PTPRD: variants seen among roughly 807,000 people sequenced by gnomAD.
PTPRD encodes protein tyrosine phosphatase receptor type D, also known as receptor-type tyrosine-protein phosphatase delta.
Under a neutral mutation model 214.5 loss-of-function variants are expected in PTPRD, and 34 were observed. That is an observed-to-expected ratio of 0.16 (90% CI 0.12 to 0.21). The LOEUF is 0.21. Among genes scored for constraint, PTPRD ranks in the 10% least tolerant of loss-of-function variants. The probability of loss-of-function intolerance (pLI) is 1.00; values close to 1 mark genes in which losing one functional copy is unlikely to be tolerated. For synonymous variants in PTPRD, 1,128 were observed against 845.7 expected (o/e 1.33, Z -5.79); for missense variants, 2,545 against 2,398.7 (o/e 1.06, Z -1.27).
chr9:8,487,602 G>T (rs2097054240), intron 27 of PTPRD, among the ~76,000 whole-genome samples: 1 of 151,986 alleles, frequency 6.6e-6, no homozygotes, highest in South Asian at 2.1e-4. Flanking sequence ...CCTGAGGTTG[G>T]GAGTTTGAGA....
chr9:9,698,377 C>T (rs2097423337), intron 7 of PTPRD, among the ~76,000 whole-genome samples: 1 of 152,100 alleles, frequency 6.6e-6, no homozygotes, highest in African/African-American at 2.4e-5. Flanking sequence ...GTGCCTTAAG[C>T]CCGGGTTTGT....
At chr9:10,379,313 A>G (rs1179055281) in intron 2 of PTPRD, among the ~76,000 whole-genome samples, 1 of 151,794 alleles carries the variant, frequency 6.6e-6, no homozygotes, top group African/African-American at 2.4e-5. Context: ...TCTACAAACA[A>G]GGATAATTCT....
Position 8,870,687 on chromosome 9 carries a change from AACACACACAC to A in PTPRD, c.-103-136751_-103-136742del, listed in dbSNP as rs3046878. 2.9e-3 allele frequency among the ~76,000 whole-genome samples: 376 copies of A among 131,468 alleles called. 2 individuals carry two copies. Among genetic ancestry groups the A allele is most frequent in the African/African-American group, 8.9e-3 (312 of 34,948 alleles). The allele number at this position is 131,468 out of a possible 152,430, so 86.2% of individuals were successfully genotyped here. ...ACAGGGTTATAAGACACAGACATGA[AACACACACAC>A]ACACACACACACACACACACACACA... On this transcript the variant is annotated intron_variant, in intron 11 of 45. Transcript: ENST00000381196.
intron 11 of PTPRD, among the ~76,000 whole-genome samples, chr9:8,749,578 G>C (rs575379613): frequency 6.6e-6 from 1 of 152,306 alleles, no homozygotes; most frequent in South Asian, 2.1e-4. Flanking sequence ...CTATGTGACA[G>C]CTGATGTCAA....
chr9:8,786,321 G>A (rs1332493924), intron 11 of PTPRD, among the ~76,000 whole-genome samples: 1 of 151,068 alleles, frequency 6.6e-6, no homozygotes, highest in African/African-American at 2.4e-5. Context: ...TCAATGCCGT[G>A]GTTATTTCTA....
intron 35 of PTPRD, among the ~76,000 whole-genome samples, chr9:8,426,107 A>G (rs577174081): frequency 3.3e-5 from 5 of 152,320 alleles, no homozygotes; most frequent in African/African-American, 1.2e-4. Context: ...ACTGACAGAT[A>G]GGTCATGCAT....
rs1034397947 is a variant in PTPRD at position 10,364,820 on chromosome 9, T to C, written c.-599-23803A>G. Among the ~76,000 whole-genome samples the C allele has an allele frequency of 1.8e-4, 27 of 152,212 alleles. 1 individual carries two copies. Among genetic ancestry groups the C allele is most frequent in the African/African-American group, 6.3e-4 (26 of 41,454 alleles). ...ATCTATTATCTCTATTACCATACGA[T>C]ATCTATATTTTCGTAGCTCACTAAA... is the stretch of plus-strand genomic sequence containing the variant. On this transcript the variant is annotated intron_variant, in intron 2 of 45. Transcript: ENST00000381196.
chr9:9,629,228 G>GTC (rs2154358217), intron 7 of PTPRD, among the ~76,000 whole-genome samples: 1 of 110,610 alleles, frequency 9.0e-6, no homozygotes, highest in African/African-American at 4.2e-5. Context: ...AGATATATAT[G>GTC]TGTGTGTGTG....
At chr9:8,424,655 A>C (rs554296210) in intron 35 of PTPRD, among the ~76,000 whole-genome samples, 22 of 29,718 alleles carry the variant, frequency 7.4e-4, no homozygotes, top group Admixed American at 1.9e-3. Context: ...ATACTCTGTT[A>C]AACTGGCAGA....
At chr9:8,440,464 G>A (rs1054539120) in intron 34 of PTPRD, among the ~76,000 whole-genome samples, 3 of 152,086 alleles carry the variant, frequency 2.0e-5, no homozygotes, top group East Asian at 1.9e-4. Flanking sequence ...ACAGGGACGC[G>A]CCACCACACC....
chr9:9,912,849 G>A lies in PTPRD; in HGVS notation c.-368+25658C>T, dbSNP rs140088968. On this transcript the variant is annotated intron_variant, in intron 5 of 45. Coordinates refer to ENST00000381196, the MANE Select transcript of PTPRD (RefSeq NM_002839.4). ...AATATTGCAAGAGTTTTTATATTTT[G>A]CTAATGTTCTAACTTCCTCATAGGA... 3.4e-3 allele frequency among the ~76,000 whole-genome samples: 524 copies of A among 152,134 alleles called. 2 individuals are homozygous for A. The highest frequency in any genetic ancestry group is 0.011 in the African/African-American group (476 of 41,500).
At chr9:9,707,353 G>C (rs74483298) in intron 7 of PTPRD, among the ~76,000 whole-genome samples, 3 of 152,060 alleles carry the variant, frequency 2.0e-5, no homozygotes, top group Non-Finnish European at 4.4e-5. Context: ...GTCACTATTC[G>C]ATTTACACAA....
intron 34 of PTPRD, among the ~76,000 whole-genome samples, chr9:8,441,591 A>C (rs1322880965): frequency 1.3e-5 from 2 of 151,922 alleles, no homozygotes; most frequent in African/African-American, 4.8e-5. Context: ...GTGTATGTGA[A>C]TTAGAATCAA....
chr9:10,096,387 G>A (rs201845813), intron 3 of PTPRD, among the ~76,000 whole-genome samples: 3 of 151,440 alleles, frequency 2.0e-5, no homozygotes, highest in Non-Finnish European at 4.4e-5. Context: ...TCTCCACATC[G>A]TCTCCAGCAC....
intron 2 of PTPRD, among the ~76,000 whole-genome samples, chr9:10,416,202 G>A (rs1324897677): frequency 6.6e-6 from 1 of 151,006 alleles, no homozygotes; most frequent in Non-Finnish European, 1.5e-5. Flanking sequence ...AAAAAAATTA[G>A]AAAAAATTAG....
intron 5 of PTPRD, among the ~76,000 whole-genome samples, chr9:9,908,884 T>C (rs1318650204): frequency 6.6e-6 from 1 of 152,012 alleles, no homozygotes; most frequent in Non-Finnish European, 1.5e-5. Flanking sequence ...AACACTTCTT[T>C]GGAGTTTAAT....
intron 8 of PTPRD, among the ~76,000 whole-genome samples, chr9:9,479,709 T>A (rs767563195): frequency 1.3e-5 from 2 of 149,498 alleles, no homozygotes; most frequent in Non-Finnish European, 3.0e-5. Flanking sequence ...AAACCTTAAG[T>A]AATTTAGTCA....
chr9:8,672,632 A>G (rs1172206717), intron 12 of PTPRD, among the ~76,000 whole-genome samples: 1 of 152,122 alleles, frequency 6.6e-6, no homozygotes, highest in Non-Finnish European at 1.5e-5. Flanking sequence ...CTAATGAACA[A>G]ATCTCCAGTT....
At chr9:8,786,699 GCCATCACAC>G (rs2095993385) in intron 11 of PTPRD, among the ~76,000 whole-genome samples, 1 of 150,496 alleles carries the variant, frequency 6.6e-6, no homozygotes, top group Non-Finnish European at 1.5e-5. Flanking sequence ...ACAGGCATGA[GCCATCACAC>G]CCAGTCAAAC....
Sources: allele counts gnomAD v4.1 joint callset (sites outside exome capture counted in the v4.1 genomes callset), GRCh38; gene constraint gnomAD v4.1.1; transcripts MANE v1.5; gene names NCBI Gene and HGNC (gene_info 2026-07-23, HGNC 2026-07-21).